RBFOX1: variants seen among roughly 807,000 people sequenced by gnomAD.
The protein encoded by RBFOX1 is RNA binding protein fox-1 homolog 1.
RBFOX1 carries 8 observed loss-of-function variants against 57.7 expected under a neutral mutation model. The observed-to-expected ratio is 0.14, with a 90% CI of 0.08 to 0.25. RBFOX1 has a LOEUF of 0.25. Ranked by LOEUF, RBFOX1 falls within the 10% of genes least tolerant of loss-of-function variation. The probability of loss-of-function intolerance (pLI) is 1.00; values close to 1 mark genes in which losing one functional copy is unlikely to be tolerated. For missense variants in RBFOX1, 611 were observed against 548.5 expected (o/e 1.11, Z -1.14); for synonymous variants, 326 against 222.4 (o/e 1.47, Z -4.15).
intron 1 of RBFOX1, among the ~76,000 whole-genome samples, chr16:6,041,531 T>A (rs1328907923): frequency 6.6e-6 from 1 of 152,104 alleles, no homozygotes; most frequent in African/African-American, 2.4e-5. Context: ...ATATTTATCA[T>A]CCACATTTTA....
At chr16:7,253,021 G>C (rs1567903560) in intron 4 of RBFOX1, among the ~76,000 whole-genome samples, 1 of 152,026 alleles carries the variant, frequency 6.6e-6, no homozygotes, top group Admixed American at 6.6e-5. Flanking sequence ...AGCCCTTCTG[G>C]GTAAATGAGT....
chr16:6,441,402 T>G (rs1463766185), intron 2 of RBFOX1, among the ~76,000 whole-genome samples: 1 of 152,034 alleles, frequency 6.6e-6, no homozygotes, highest in Non-Finnish European at 1.5e-5. Context: ...CTTGTTTTTT[T>G]GTTTTGTTTT....
intron 5 of RBFOX1, among the ~76,000 whole-genome samples, chr16:7,528,462 T>A (rs1174404156): frequency 6.6e-6 from 1 of 152,180 alleles, no homozygotes; most frequent in Admixed American, 6.5e-5. Context: ...GATTGCCCCA[T>A]TAAGCAATTT....
At chr16:5,872,609 G>A (rs934790687) in intron 4 of RBFOX1, among the ~76,000 whole-genome samples, 2 of 151,944 alleles carry the variant, frequency 1.3e-5, no homozygotes, top group Admixed American at 1.3e-4. Flanking sequence ...GGTGCTGTGT[G>A]TTTGTAGTCC....
intron 2 of RBFOX1, among the ~76,000 whole-genome samples, chr16:6,381,921 C>A (rs11077037): frequency 6.6e-6 from 1 of 152,074 alleles, no homozygotes; most frequent in Admixed American, 6.5e-5. Context: ...AGGGCAGAGA[C>A]CATGTCCGGC....
At chr16:5,789,531 TTCA>T (rs1345977227) in intron 3 of RBFOX1, among the ~76,000 whole-genome samples, 1 of 152,142 alleles carries the variant, frequency 6.6e-6, no homozygotes, top group African/African-American at 2.4e-5. Context: ...ACGTGTTAGT[TTCA>T]TCATCATCAT....
chr16:7,659,159 G>C (rs1392460009), intron 12 of RBFOX1, among the ~76,000 whole-genome samples: 2 of 152,184 alleles, frequency 1.3e-5, no homozygotes, highest in Non-Finnish European at 2.9e-5. Flanking sequence ...AAACTTCCCA[G>C]AGTTACCTTG....
At chr16:6,301,791 A>G (rs929748226) in intron 1 of RBFOX1, among the ~76,000 whole-genome samples, 1 of 152,194 alleles carries the variant, frequency 6.6e-6, no homozygotes, top group African/African-American at 2.4e-5. Context: ...CCAAAACATG[A>G]GGCTTTACCT....
At chr16:6,248,143 C>G (rs887849910) in intron 1 of RBFOX1, among the ~76,000 whole-genome samples, 8 of 152,014 alleles carry the variant, frequency 5.3e-5, no homozygotes, top group African/African-American at 1.5e-4. Flanking sequence ...AAGAGGCTGA[C>G]CTTAAGTTGC....
At chr16:5,927,496 T>G (rs1006472739) in intron 4 of RBFOX1, among the ~76,000 whole-genome samples, 3 of 152,132 alleles carry the variant, frequency 2.0e-5, no homozygotes, top group Non-Finnish European at 4.4e-5. Context: ...ACACTGCTAG[T>G]GGGAATGTAA....
chr16:7,154,636 A>T (rs374066312), intron 4 of RBFOX1, among the ~76,000 whole-genome samples: 1 of 151,194 alleles, frequency 6.6e-6, no homozygotes, highest in Admixed American at 6.6e-5. Flanking sequence ...AGAAAATGTG[A>T]TTGGAGAGGC....
chr16:5,319,926 A>G (rs1370580592), intron 1 of RBFOX1, among the ~76,000 whole-genome samples: 3 of 152,092 alleles, frequency 2.0e-5, no homozygotes, highest in African/African-American at 4.8e-5. Context: ...GAAGGTTTTC[A>G]TGGGTCATCT....
intron 4 of RBFOX1, among the ~76,000 whole-genome samples, chr16:7,477,527 G>C (rs576393223): frequency 6.6e-6 from 1 of 152,236 alleles, no homozygotes; most frequent in Admixed American, 6.5e-5. Context: ...TTGCCTGGCT[G>C]ACTCCCCAAA....
chr16:5,984,946 T>TTATATATATATATATATATATA (rs61004841), intron 4 of RBFOX1, among the ~76,000 whole-genome samples: 1 of 69,660 alleles, frequency 1.4e-5, no homozygotes, highest in African/African-American at 7.2e-5. Flanking sequence ...GGCAACTCCA[T>TTATATATATATATATATATATA]TATATATATA....
At chr16:6,902,523 A>T (rs939170306) in intron 3 of RBFOX1, among the ~76,000 whole-genome samples, 1 of 152,170 alleles carries the variant, frequency 6.6e-6, no homozygotes, top group African/African-American at 2.4e-5. Context: ...GGAGTTCAAG[A>T]CCAGCCTAAC....
chr16:5,899,393 C>T (rs1245117714), intron 4 of RBFOX1, among the ~76,000 whole-genome samples: 1 of 152,034 alleles, frequency 6.6e-6, no homozygotes, highest in Non-Finnish European at 1.5e-5. Context: ...AGGGAAGGCT[C>T]TCTGAGGTGG....
At chr16:5,871,056 T>A (rs2057457773) in intron 4 of RBFOX1, among the ~76,000 whole-genome samples, 1 of 152,234 alleles carries the variant, frequency 6.6e-6, no homozygotes, top group Non-Finnish European at 1.5e-5. Flanking sequence ...GTTTGCTAAA[T>A]CTGGACTTTG....
intron 2 of RBFOX1, among the ~76,000 whole-genome samples, chr16:6,609,367 C>G (rs1423511382): frequency 6.6e-6 from 1 of 151,900 alleles, no homozygotes; most frequent in African/African-American, 2.4e-5. Flanking sequence ...TTTTTTGAGA[C>G]AGGGTCTCAC....
intron 3 of RBFOX1, among the ~76,000 whole-genome samples, chr16:5,625,746 C>G (rs2048331713): frequency 6.6e-6 from 1 of 151,810 alleles, no homozygotes; most frequent in Non-Finnish European, 1.5e-5. Flanking sequence ...TTGGTAGAGA[C>G]AGGGTTTCAT....
Sources: allele counts gnomAD v4.1 joint callset (sites outside exome capture counted in the v4.1 genomes callset), GRCh38; gene constraint gnomAD v4.1.1; transcripts MANE v1.5; gene names NCBI Gene and HGNC (gene_info 2026-07-23, HGNC 2026-07-21).